Variants in FIGNL2 observed in about 807,000 individuals in gnomAD.
FIGNL2 encodes the protein fidgetin like 2, also known as fidgetin-like protein 2.
For synonymous variants in FIGNL2, 565 were observed against 484.0 expected, an observed-to-expected ratio of 1.17 and a Z score of -2.20; for missense variants, 1,060 against 950.2, an observed-to-expected ratio of 1.12 and a Z score of -1.52.
At chr12:51,837,155 A>G (rs1939592405) in intron 1 of FIGNL2, among the ~76,000 whole-genome samples, 1 of 152,092 alleles carries the variant, frequency 6.6e-6, no homozygotes, top group African/African-American at 2.4e-5. Context: ...GACTAGATTA[A>G]GCATTCTGGG....
At chr12:51,827,832 T>C (rs547704831) in intron 1 of FIGNL2, among the ~76,000 whole-genome samples, 1 of 152,258 alleles carries the variant, frequency 6.6e-6, no homozygotes, top group Admixed American at 6.5e-5. Flanking sequence ...GTTTTACATC[T>C]CTAATGCAGC....
chr12:51,842,442 G>A (rs1939679294), intron 1 of FIGNL2, among the ~76,000 whole-genome samples: 1 of 152,168 alleles, frequency 6.6e-6, no homozygotes, highest in Non-Finnish European at 1.5e-5. Flanking sequence ...AGGCTGGGTG[G>A]GGAGGGAGCC....
intron 1 of FIGNL2, among the ~76,000 whole-genome samples, chr12:51,829,001 C>T (rs1282571945): frequency 6.6e-6 from 1 of 152,216 alleles, no homozygotes; most frequent in Non-Finnish European, 1.5e-5. Context: ...CAGAAATTCT[C>T]TGATTCTGGA....
chr12:51,831,124 C>T (rs1939455497), intron 1 of FIGNL2, among the ~76,000 whole-genome samples: 1 of 151,926 alleles, frequency 6.6e-6, no homozygotes, highest in Non-Finnish European at 1.5e-5. Context: ...AAAACAGAGA[C>T]AACTGTTGAT....
At chr12:51,825,619 CT>C (rs770930359) in intron 1 of FIGNL2, among the ~76,000 whole-genome samples, 96 of 134,852 alleles carry the variant, frequency 7.1e-4, no homozygotes, top group Admixed American at 1.0e-3. Flanking sequence ...CCATGACACT[CT>C]TTTTTTTTTT....
intron 1 of FIGNL2, chr12:51,847,034 C>T: frequency 1.0e-6 from 1 of 985,366 alleles, no homozygotes; most frequent in Non-Finnish European, 1.2e-6. Context: ...CCGCCCCCTG[C>T]CCGCAGCTCG....
At chr12:51,841,324 T>C (rs1939657241) in intron 1 of FIGNL2, 1 of 152,250 alleles carries the variant, frequency 6.6e-6, no homozygotes, top group South Asian at 2.1e-4. Flanking sequence ...ACAAGCCAAG[T>C]CCGGCCCTGA....
At chr12:51,828,117 GC>G (rs377123472) in intron 1 of FIGNL2, among the ~76,000 whole-genome samples, 1 of 152,134 alleles carries the variant, frequency 6.6e-6, no homozygotes, top group Non-Finnish European at 1.5e-5. Context: ...CAGTGGCTCT[GC>G]CCCCGAGTGC....
At chr12:51,827,876 G>T (rs1414118177) in intron 1 of FIGNL2, among the ~76,000 whole-genome samples, 1 of 152,128 alleles carries the variant, frequency 6.6e-6, no homozygotes, top group African/African-American at 2.4e-5. Context: ...TACTGTTATT[G>T]TCATCCCCAT....
intron 1 of FIGNL2, among the ~76,000 whole-genome samples, chr12:51,834,687 C>T (rs955438995): frequency 2.6e-5 from 4 of 152,220 alleles, no homozygotes; most frequent in Non-Finnish European, 4.4e-5. Flanking sequence ...CGCGTGCACA[C>T]GCTGACGGGA....
intron 1 of FIGNL2, chr12:51,845,357 T>A (rs573494656): frequency 3.9e-4 from 220 of 567,084 alleles, no homozygotes; most frequent in Non-Finnish European, 4.7e-4. Context: ...CCCTCTGCCC[T>A]GATCTCCCTC....
rs192736120 is a variant in FIGNL2 at position 51,819,617 on chromosome 12, C to G, written c.*835G>C. 1 of 152,716 alleles carries G rather than the reference C, an allele frequency of 6.5e-6. No homozygotes were observed. The highest frequency in any genetic ancestry group is 1.9e-4 in the East Asian group (1 of 5,170). The allele number at this position is 152,716 out of a possible 1,614,324, so 9.5% of individuals were successfully genotyped here. The stretch of plus-strand genomic sequence containing the variant: ...CTAACATTCTTTCTGAGGTCAGTTT[C>G]TTCCTGAGTTGTCAAAAGAAAAAGA... On this transcript the variant is annotated 3_prime_UTR_variant, in exon 2 of 2. Coordinates refer to ENST00000618634, the MANE Select transcript of FIGNL2 (RefSeq NM_001384995.1).
intron 1 of FIGNL2, among the ~76,000 whole-genome samples, chr12:51,827,441 G>A (rs1466229408): frequency 6.6e-6 from 1 of 151,768 alleles, no homozygotes; most frequent in East Asian, 1.9e-4. Context: ...GGCCAGACTG[G>A]TCTCAAACTC....
rs765882327 is a variant in FIGNL2 at position 51,820,467 on chromosome 12, G to C, written c.1947C>G (p.Tyr649Ter). The change falls in exon 2 of 2, where the codon TAC becomes TAG. Residue 649 changes from tyrosine (Y) to a stop codon, truncating the protein, a stop_gained. Coordinates refer to ENST00000618634, the MANE Select transcript of FIGNL2 (RefSeq NM_001384995.1). LOFTEE classifies it high-confidence loss of function. The part of the protein sequence containing the change: ...LDSFVEWDKM[Y>*]GSGH ...CCGCGCGCCGTCAGTGTCCGGAGCC[G>C]TACATTTTGTCCCACTCCACGAACG... is the stretch of plus-strand genomic sequence containing the variant. 6.3e-7 allele frequency: 1 copy of C among 1,589,806 alleles called. No individual in the cohort carries two copies. The highest frequency in any genetic ancestry group is 8.5e-7 in the Non-Finnish European group (1 of 1,175,722).
chr12:51,821,250 C>T lies in FIGNL2; in HGVS notation c.1164G>A (p.Pro388=). ...GGCCCGCCACATCCGCCCACTGCAC[C>T]GGGGGCCCGCAGTCCACCATCTTGC... is the stretch of plus-strand genomic sequence containing the variant. ...VTSKMVDCGP[P]VQWADVAGQG... The change falls in exon 2 of 2, where the codon CCG becomes CCA. Residue 388 remains proline, a synonymous_variant. Transcript: ENST00000618634. 6.6e-7 allele frequency: 1 copy of T among 1,526,072 alleles called. No individual in the cohort carries two copies. Among genetic ancestry groups the T allele is most frequent in the South Asian group, 1.2e-5 (1 of 83,374 alleles). 94.5% of individuals were successfully genotyped at this position (1,526,072 alleles called of 1,614,324 possible).
intron 1 of FIGNL2, among the ~76,000 whole-genome samples, chr12:51,826,896 G>A (rs1939357093): frequency 6.6e-6 from 1 of 152,232 alleles, no homozygotes; most frequent in African/African-American, 2.4e-5. Context: ...ACATGTATGT[G>A]CACACCACCA....
intron 1 of FIGNL2, among the ~76,000 whole-genome samples, chr12:51,839,876 CA>C (rs2138998896): frequency 6.6e-6 from 1 of 152,342 alleles, no homozygotes; most frequent in African/African-American, 2.4e-5. Context: ...TGCTCCTTCC[CA>C]AAGTCCCCTC....
Position 51,821,170 on chromosome 12 carries a change from G to C in FIGNL2, c.1244C>G (p.Pro415Arg). ...EEELVWPLLR[P>R]PAYPGSLRPP... ...GCGCAGGCTGCCCGGGTAGGCGGGC[G>C]GCCTGAGCAGGGGCCACACCAGCTC... is the stretch of plus-strand genomic sequence containing the variant. The change falls in exon 2 of 2, where the codon CCG becomes CGG. Residue 415 changes from proline to arginine, a missense_variant. Physicochemically the swap from Pro to Arg is moderately radical, Grantham distance 103. Transcript: ENST00000618634. The C allele has an allele frequency of 6.7e-7, 1 of 1,488,516 alleles. No homozygotes were observed. Among genetic ancestry groups the C allele is most frequent in the African/African-American group, 1.5e-5 (1 of 68,168 alleles). The allele number at this position is 1,488,516 out of a possible 1,614,324, so 92.2% of individuals were successfully genotyped here. A position where few individuals can be genotyped will look rare whatever the true frequency, so the allele number is the denominator to read the frequency against.
rs1295983415 is a variant in FIGNL2 at position 51,821,981 on chromosome 12, C to T, written c.433G>A (p.Ala145Thr). The T allele has an allele frequency of 6.4e-7, 1 of 1,572,156 alleles. No homozygotes were observed. The highest frequency in any genetic ancestry group is 8.6e-7 in the Non-Finnish European group (1 of 1,160,094). ...GATGGGCCCCCGCACGCATTGCCGG[C>T]GTAGAGGGGTTCAGGGAGGTTCCCG... Reference protein sequence around the residue: ...LAGNLPEPLYAGNACGGPSAA... With the variant: ...LAGNLPEPLYTGNACGGPSAA... Residue 145 changes from alanine (A) to threonine (T), a missense_variant, in exon 2 of 2, where the codon GCC (alanine) becomes ACC (threonine). Physicochemically the swap from Ala to Thr is moderately conservative, Grantham distance 58 (BLOSUM62 0). Transcript: ENST00000618634.
Sources: gnomAD v4.1 joint callset for allele counts (sites outside exome capture counted in the v4.1 genomes callset) on GRCh38, gnomAD v4.1.1 for gene constraint, MANE v1.5 for transcripts, NCBI Gene and HGNC (gene_info 2026-07-23, HGNC 2026-07-21) for gene names.